The following IL4I1 variants were observed in gnomAD, a reference collection of about 807,000 sequenced individuals.
The protein encoded by IL4I1 is interleukin 4 induced 1, also known as L-amino-acid oxidase.
A neutral mutation model predicts 29.7 loss-of-function variants in IL4I1; 24 were observed. The observed-to-expected ratio is 0.81, with a 90% CI of 0.59 to 1.14. IL4I1 has a LOEUF of 1.14. IL4I1 is among the 50% of genes most tolerant of loss of function. The pLI is 0.00. For synonymous variants in IL4I1, 371 were observed against 352.5 expected (o/e 1.05, Z -0.59); for missense variants, 686 against 785.6 (o/e 0.87, Z 1.52).
chr19:49,906,455 G>A (rs1284336160), intron 2 of IL4I1, among the ~76,000 whole-genome samples: 2 of 152,078 alleles, frequency 1.3e-5, no homozygotes, highest in East Asian at 1.9e-4. Context: ...CAAGTGATCT[G>A]CCCATCTTGG....
intron 2 of IL4I1, chr19:49,908,027 G>A: frequency 9.6e-7 from 1 of 1,038,022 alleles, no homozygotes; most frequent in Non-Finnish European, 1.4e-6. Context: ...AGCCACAGAA[G>A]CCACACCCAT....
Position 49,894,336 on chromosome 19 carries a change from C to T in IL4I1, c.499G>A (p.Gly167Ser). ...TTTTCCTGGGGACGCAAGGCGTAGC[C>T]CAGCTTCTCGGGCACCTTCTCCACC... ...YVVEKVPEKL[G>S]YALRPQEKGH... is the part of the protein sequence containing the mutation. The change falls in exon 5 of 8, where the codon GGC becomes AGC. Residue 167 changes from glycine to serine, a missense_variant. Coordinates refer to ENST00000391826, the MANE Select transcript of IL4I1 (RefSeq NM_152899.2). The T allele has an allele frequency of 3.1e-6, 5 of 1,614,188 alleles. No homozygotes were observed. The highest frequency in any genetic ancestry group is 4.2e-6 in the Non-Finnish European group (5 of 1,180,036).
chr19:49,898,058 C>T (rs1166970969), upstream of IL4I1, among the ~76,000 whole-genome samples: 3 of 152,344 alleles, frequency 2.0e-5, no homozygotes, highest in South Asian at 2.1e-4. Flanking sequence ...GGGTGGCTCA[C>T]GCCTATAATC....
At chr19:49,901,370 C>T (rs1456861203), upstream of IL4I1, among the ~76,000 whole-genome samples, 5 of 152,156 alleles carry the variant, frequency 3.3e-5, no homozygotes, top group East Asian at 1.9e-4. Context: ...GGCTACAGAG[C>T]GAGACTCTGT....
rs771743953 is a variant in IL4I1, at chr19:49,895,798, C to T, written c.252+17G>A. On this transcript the variant is annotated intron_variant, in intron 3 of 7. Coordinates refer to ENST00000391826, the MANE Select transcript of IL4I1 (RefSeq NM_152899.2). ...AGCAGGAGGGACTCCAGGTAGACTG[C>T]AAGCAGTGCTTCCCACCTTGTGTCC... 1 of 1,608,924 alleles carries T rather than the reference C, an allele frequency of 6.2e-7. No homozygotes were observed. Among genetic ancestry groups the T allele is most frequent in the Non-Finnish European group, 8.5e-7 (1 of 1,177,410 alleles).
chr19:49,925,342 C>T (rs1423941056), intron 2 of IL4I1, among the ~76,000 whole-genome samples: 1 of 151,612 alleles, frequency 6.6e-6, no homozygotes, highest in Admixed American at 6.6e-5. Flanking sequence ...AATCCTAACA[C>T]TTTGGGAGGG....
intron 2 of IL4I1, among the ~76,000 whole-genome samples, chr19:49,920,947 G>A (rs1214829678): frequency 6.6e-6 from 1 of 152,196 alleles, no homozygotes; most frequent in Admixed American, 6.5e-5. Flanking sequence ...GAAGGGCCCA[G>A]GCCGGGCTGT....
At chr19:49,890,855 T>G in intron 7 of IL4I1, 116 bp downstream of exon 7, 1 of 930,762 alleles carries the variant, frequency 1.1e-6, no homozygotes, top group Non-Finnish European at 1.6e-6. Context: ...GACCATCAAT[T>G]AGGCCACGCC....
intron 2 of IL4I1, chr19:49,907,271 C>T (rs538005990): frequency 2.4e-4 from 72 of 295,094 alleles, no homozygotes; most frequent in East Asian, 1.5e-3. Context: ...ACCTGAGCTT[C>T]GGGTAGCTGG....
chr19:49,909,625 T>G, intron 2 of IL4I1: 1 of 1,613,824 alleles, frequency 6.2e-7, no homozygotes, highest in Non-Finnish European at 8.5e-7. Context: ...GGGTGGCAAG[T>G]GAGAACAGGC....
upstream of IL4I1, among the ~76,000 whole-genome samples, chr19:49,897,920 G>A (rs1568688814): frequency 6.6e-6 from 1 of 152,236 alleles, no homozygotes; most frequent in Admixed American, 6.5e-5. Flanking sequence ...GAGGGGCTGG[G>A]GGGTGAATGT....
In IL4I1 at chr19:49,909,327, T is replaced by C. The variant is rs987794938; in HGVS notation, c.-227-5006A>G. 12 of 1,613,606 alleles carry C rather than the reference T, an allele frequency of 7.4e-6. No homozygotes were observed. The highest frequency in any genetic ancestry group is 1.6e-4 in the Middle Eastern group (1 of 6,084). On this transcript the variant is annotated intron_variant, in intron 2 of 9. Transcript: ENST00000341114. The stretch of plus-strand genomic sequence containing the variant: ...GAGGGTTGGGCCGTGCTTCCACCAG[T>C]GAATGAGAAGCCTCCAGATGTGGTA...
intron 2 of IL4I1, among the ~76,000 whole-genome samples, chr19:49,924,347 C>G (rs911361452): frequency 2.0e-5 from 3 of 152,224 alleles, no homozygotes; most frequent in African/African-American, 7.2e-5. Flanking sequence ...CTCCCTCCCT[C>G]TCCACACCAC....
upstream of IL4I1, among the ~76,000 whole-genome samples, chr19:49,899,765 C>T (rs1289516807): frequency 6.6e-6 from 1 of 152,136 alleles, no homozygotes; most frequent in African/African-American, 2.4e-5. Context: ...CCGTGTTAGC[C>T]AGGATGGTCT....
At chr19:49,907,253 A>C in intron 2 of IL4I1, 1 of 292,668 alleles carries the variant, frequency 3.4e-6, no homozygotes, top group South Asian at 2.7e-5. Context: ...GGGACCTGCA[A>C]GAAGGCCACC....
At chr19:49,919,649 C>T (rs931927752) in intron 2 of IL4I1, among the ~76,000 whole-genome samples, 2 of 152,166 alleles carry the variant, frequency 1.3e-5, no homozygotes, top group African/African-American at 4.8e-5. Context: ...CTTCCCACTC[C>T]CCAGGCCCAG....
In IL4I1 at chr19:49,889,917, G is replaced by A. The variant is rs1209481739; in HGVS notation, c.1457C>T (p.Pro486Leu). The change falls in exon 8 of 8, where the codon CCG becomes CTG. Residue 486 changes from proline to leucine, a missense_variant. Transcript: ENST00000391826. ...IYFAGEHTAY[P>L]HGWVETAVKS... ...GACCGCCGTCTCCACCCAGCCGTGC[G>A]GGTAGGCGGTGTGCTCGCCGGCAAA... 2 of 1,609,082 alleles carry A rather than the reference G, an allele frequency of 1.2e-6. No individual in the cohort carries two copies. The highest frequency in any genetic ancestry group is 1.1e-5 in the South Asian group (1 of 90,652).
At chr19:49,899,195 G>A (rs2075248740), upstream of IL4I1, among the ~76,000 whole-genome samples, 1 of 152,242 alleles carries the variant, frequency 6.6e-6, no homozygotes, top group Admixed American at 6.5e-5. Flanking sequence ...GCATAACAGT[G>A]GAAACAACCA....
chr19:49,907,692 C>T (rs901215427), intron 2 of IL4I1: 12 of 350,802 alleles, frequency 3.4e-5, no homozygotes, highest in Middle Eastern at 1.0e-3. Flanking sequence ...GCGTCCACCA[C>T]ACCTGACTAA....
Sources: allele counts gnomAD v4.1 joint callset (sites outside exome capture counted in the v4.1 genomes callset), GRCh38; gene constraint gnomAD v4.1.1; transcripts MANE v1.5; gene names NCBI Gene and HGNC (gene_info 2026-07-23, HGNC 2026-07-21).